CHST3: variants seen among roughly 807,000 people sequenced by gnomAD.
CHST3 encodes the protein C6ST-1.
In CHST3, 20 loss-of-function variants were observed where a neutral mutation model predicts 35.4. That is an observed-to-expected ratio of 0.57 (90% confidence interval 0.40 to 0.82). The LOEUF (loss-of-function observed/expected upper bound fraction) is 0.82. CHST3 is among the 40% of genes least tolerant of loss of function. The pLI is 0.00. For missense variants in CHST3, 693 were observed against 670.1 expected, an observed-to-expected ratio of 1.03 and a Z score of -0.38; for synonymous variants, 334 against 295.9, an observed-to-expected ratio of 1.13 and a Z score of -1.32.
At chr10:71,971,574 C>T (rs563539846) in intron 1 of CHST3, among the ~76,000 whole-genome samples, 2 of 152,340 alleles carry the variant, frequency 1.3e-5, no homozygotes, top group South Asian at 4.1e-4. Context: ...TCCTCTCCTC[C>T]CTTCCTCTCC....
rs186475047 is a variant in CHST3, at chr10:71,968,073, C to T, written c.-108+3379C>T. ...CCTCGTGATCTGCTCACCTCAGCCC[C>T]GCAAAATGCTGGGATTACAGGCATG... On this transcript the variant is annotated intron_variant, in intron 1 of 2. Coordinates refer to ENST00000373115, the MANE Select transcript of CHST3 (RefSeq NM_004273.5). 3.9e-3 allele frequency among the ~76,000 whole-genome samples: 592 copies of T among 152,040 alleles called. 3 individuals are homozygous for T. The highest frequency in any genetic ancestry group is 0.013 in the African/African-American group (521 of 41,456).
intron 1 of CHST3, among the ~76,000 whole-genome samples, chr10:71,970,033 G>A (rs557714539): frequency 6.6e-6 from 1 of 152,344 alleles, no homozygotes; most frequent in South Asian, 2.1e-4. Flanking sequence ...CCCTGAGCGC[G>A]TGGACTCCAC....
In CHST3 at chr10:72,005,771, G is replaced by A; in HGVS notation, c.-72G>A. 10 of 1,601,310 alleles carry A rather than the reference G, an allele frequency of 6.2e-6. No homozygotes were observed. In the South Asian group the frequency reaches 1.1e-4, roughly 18 times the overall value. On this transcript the variant is annotated 5_prime_UTR_variant, in exon 2 of 3. Coordinates refer to ENST00000373115, the MANE Select transcript of CHST3 (RefSeq NM_004273.5). ...TCCCCCACCTGAAGACGGCAAGCTG[G>A]GTCCTGAGTGATGCCCCTCAGCTGA...
rs564546345 is a variant in CHST3 at position 72,005,135 on chromosome 10, A to G, written c.-107-601A>G. 3.9e-5 allele frequency among the ~76,000 whole-genome samples: 6 copies of G among 152,334 alleles called. No homozygotes were observed. The South Asian group carries it at 1.2e-3, about 32-fold the overall frequency. ...GTGAGACCCTGTCTCAAAAACAAACAAACAATTATTGGCAATTAGTGGGTA... is the reference window on the plus strand; with the variant it reads ...GTGAGACCCTGTCTCAAAAACAAACGAACAATTATTGGCAATTAGTGGGTA... On this transcript the variant is annotated intron_variant, in intron 1 of 2. Transcript: ENST00000373115.
At chr10:71,972,227 C>T (rs928386906) in intron 1 of CHST3, among the ~76,000 whole-genome samples, 2 of 152,174 alleles carry the variant, frequency 1.3e-5, no homozygotes, top group Admixed American at 1.3e-4. Context: ...GGGCCTGAGC[C>T]CCACAGCTGA....
At chr10:72,006,893 C>G (rs117920528) in intron 2 of CHST3, among the ~76,000 whole-genome samples, 601 of 152,324 alleles carry the variant, frequency 3.9e-3, no homozygotes, top group East Asian at 0.014. Flanking sequence ...ACTGTCCCCC[C>G]CAGATCCCCA....
intron 1 of CHST3, among the ~76,000 whole-genome samples, chr10:72,004,998 G>T (rs1024285819): frequency 6.6e-6 from 1 of 152,194 alleles, no homozygotes; most frequent in Non-Finnish European, 1.5e-5. Flanking sequence ...GGGTGTGGTG[G>T]TGTGCACTTG....
chr10:72,002,650 C>T (rs1156931713), intron 1 of CHST3, among the ~76,000 whole-genome samples: 2 of 152,340 alleles, frequency 1.3e-5, no homozygotes, highest in South Asian at 2.1e-4. Context: ...ACATCATCAG[C>T]TCCAGACAAC....
intron 1 of CHST3, among the ~76,000 whole-genome samples, chr10:71,983,086 G>A (rs539400091): frequency 6.6e-6 from 1 of 152,370 alleles, no homozygotes; most frequent in African/African-American, 2.4e-5. Flanking sequence ...CCAGGAAGGG[G>A]AGGGGTGGAG....
rs1840050052 is a variant in CHST3 at position 72,007,343 on chromosome 10, G to A, written c.312G>A (p.Glu104=). 1 of 1,609,462 alleles carries A rather than the reference G, an allele frequency of 6.2e-7. No individual in the cohort carries two copies. Among genetic ancestry groups the A allele is most frequent in the South Asian group, 1.1e-5 (1 of 90,362 alleles). Residue 104 remains glutamate, a synonymous_variant, in exon 3 of 3, where the codon GAG becomes GAA. Transcript: ENST00000373115. The part of the protein sequence containing the change: ...LRNLSLQLGV[E]PAMEAAGEEE... ...ACCTCAGCTTGCAGCTGGGCGTGGA[G>A]CCAGCCATGGAGGCCGCAGGGGAGG... is the stretch of plus-strand genomic sequence containing the variant.
At chr10:71,999,123 G>C (rs937630030) in intron 1 of CHST3, among the ~76,000 whole-genome samples, 4 of 152,188 alleles carry the variant, frequency 2.6e-5, no homozygotes, top group Non-Finnish European at 5.9e-5. Flanking sequence ...ACAGGCCACC[G>C]GATGGACAAG....
intron 1 of CHST3, among the ~76,000 whole-genome samples, chr10:71,989,311 G>T (rs942318450): frequency 1.3e-5 from 2 of 152,154 alleles, no homozygotes; most frequent in African/African-American, 4.8e-5. Context: ...GCGAGGTGTG[G>T]TGGCACATGC....
intron 1 of CHST3, among the ~76,000 whole-genome samples, chr10:71,985,309 T>G (rs900907699): frequency 6.6e-6 from 1 of 152,232 alleles, no homozygotes; most frequent in Non-Finnish European, 1.5e-5. Flanking sequence ...GCTCCCCTCC[T>G]TACCAGAACC....
rs370295720 is a variant in CHST3 at position 72,005,864 on chromosome 10, C to T, written c.22C>T (p.Pro8Ser). 9.3e-6 allele frequency: 15 copies of T among 1,614,202 alleles called. No individual in the cohort carries two copies. Among genetic ancestry groups the T allele is most frequent in the East Asian group, 4.5e-5 (2 of 44,884 alleles). The change falls in exon 2 of 3, where the codon CCC (proline) becomes TCC (serine). Residue 8 changes from proline to serine, a missense_variant. Transcript: ENST00000373115. MEKGLTL[P>S]QDCRDFVHSL... ...CCCCATGGAGAAAGGACTCACTTTG[C>T]CCCAGGACTGCCGGGACTTTGTGCA...
In CHST3 at chr10:72,005,724, G is replaced by C. The variant is rs1372571218; in HGVS notation, c.-107-12G>C. 1.6e-6 allele frequency: 2 copies of C among 1,269,802 alleles called. No homozygotes were observed. Among genetic ancestry groups the C allele is most frequent in the South Asian group, 1.2e-5 (1 of 83,006 alleles). 78.7% of individuals were successfully genotyped at this position (1,269,802 alleles called of 1,614,324 possible). A position where few individuals can be genotyped will look rare whatever the true frequency, so the allele number is the denominator to read the frequency against. On this transcript the variant is annotated splice_polypyrimidine_tract_variant and intron_variant, in intron 1 of 2. Coordinates refer to ENST00000373115, the MANE Select transcript of CHST3 (RefSeq NM_004273.5). ...ACAGACAAGGGTGTTCTGACCACCTGTCTCTCCGCAGGACAAGGGTGTCCC... is the reference window on the plus strand; with the variant it reads ...ACAGACAAGGGTGTTCTGACCACCTCTCTCTCCGCAGGACAAGGGTGTCCC...
In CHST3 at chr10:72,013,318, A is replaced by G. The variant is rs1414884827; in HGVS notation, c.*4847A>G. ...TGTGTGTATGTGTAGCATGTAGCTC[A>G]TTCTGCTCAGCCTCTGGCGCCGTTC... On this transcript the variant is annotated 3_prime_UTR_variant, in exon 3 of 3. Coordinates refer to ENST00000373115, the MANE Select transcript of CHST3 (RefSeq NM_004273.5). The G allele has an allele frequency of 6.6e-6, 1 of 152,200 alleles. No individual in the cohort carries two copies. The highest frequency in any genetic ancestry group is 1.5e-5 in the Non-Finnish European group (1 of 68,048). The allele number at this position is 152,200 out of a possible 1,614,324, so 9.4% of individuals were successfully genotyped here.
intron 1 of CHST3, 79 bp from the exon 2 acceptor site, chr10:72,005,657 C>T: frequency 4.2e-6 from 3 of 712,398 alleles, no homozygotes; most frequent in Non-Finnish European, 7.1e-6. Flanking sequence ...GGCCGAGATC[C>T]TCAAAAGTCT....
At chr10:71,971,094 G>T (rs762966613) in intron 1 of CHST3, among the ~76,000 whole-genome samples, 2 of 152,154 alleles carry the variant, frequency 1.3e-5, no homozygotes, top group African/African-American at 2.4e-5. Context: ...CCAGGCACCC[G>T]GTTAGAAGGG....
intron 1 of CHST3, among the ~76,000 whole-genome samples, chr10:72,001,121 C>T (rs1030649838): frequency 2.0e-5 from 3 of 152,222 alleles, no homozygotes; most frequent in African/African-American, 7.2e-5. Context: ...TAGGAGTCCA[C>T]ATCCCAGCCA....
Sources: gnomAD v4.1 joint callset for allele counts (sites outside exome capture counted in the v4.1 genomes callset) on GRCh38, gnomAD v4.1.1 for gene constraint, MANE v1.5 for transcripts, NCBI Gene and HGNC (gene_info 2026-07-23, HGNC 2026-07-21) for gene names.